Variants in PICALM observed in about 807,000 individuals in gnomAD.
PICALM encodes the protein phosphatidylinositol binding clathrin assembly protein.
Under a neutral mutation model 80.5 loss-of-function variants are expected in PICALM, and 40 were observed. The ratio of observed to expected loss-of-function variants is 0.50; its 90% CI spans 0.39 to 0.65. The LOEUF is 0.65. PICALM is among the 30% of genes least tolerant of loss of function. The pLI is 0.00. For synonymous variants in PICALM, 288 were observed against 260.3 expected (o/e 1.11, Z -1.02); for missense variants, 676 against 778.9 (o/e 0.87, Z 1.57).
chr11:85,973,667 C>A (rs1003312504), intron 19 of PICALM, among the ~76,000 whole-genome samples: 2 of 152,092 alleles, frequency 1.3e-5, no homozygotes, highest in Non-Finnish European at 2.9e-5. Flanking sequence ...GACTACCGTG[C>A]ACAGAGACTA....
intron 12 of PICALM, among the ~76,000 whole-genome samples, chr11:85,990,715 G>A (rs2094743010): frequency 6.6e-6 from 1 of 152,104 alleles, no homozygotes; most frequent in Non-Finnish European, 1.5e-5. Flanking sequence ...AATCTTCCCT[G>A]TCCTAGGTGA....
chr11:86,063,605 T>C (rs2096401247), intron 1 of PICALM, among the ~76,000 whole-genome samples: 1 of 152,200 alleles, frequency 6.6e-6, no homozygotes, highest in South Asian at 2.1e-4. Flanking sequence ...GTGAATTTTA[T>C]TATATACCTC....
chr11:86,018,098 C>G (rs1198266229), intron 4 of PICALM, among the ~76,000 whole-genome samples: 2 of 152,148 alleles, frequency 1.3e-5, no homozygotes. Context: ...AGTCTCTCAT[C>G]TAATTGGTGT....
At chr11:86,006,017 C>T (rs115037650) in intron 8 of PICALM, among the ~76,000 whole-genome samples, 264 of 152,248 alleles carry the variant, frequency 1.7e-3, no homozygotes, top group African/African-American at 5.6e-3. Context: ...TACATGATGA[C>T]GGCCTGTAAC....
chr11:86,028,889 C>T (rs2095699081), intron 2 of PICALM, among the ~76,000 whole-genome samples: 1 of 148,946 alleles, frequency 6.7e-6, no homozygotes. Flanking sequence ...CCCAGGCTGG[C>T]ATGCAAAGGT....
intron 13 of PICALM, among the ~76,000 whole-genome samples, chr11:85,988,718 G>C (rs564042538): frequency 6.6e-6 from 1 of 152,044 alleles, no homozygotes; most frequent in East Asian, 1.9e-4. Context: ...GTTATGAGTG[G>C]GATGGGTAAT....
intron 13 of PICALM, among the ~76,000 whole-genome samples, chr11:85,987,365 C>G (rs1277101750): frequency 6.6e-6 from 1 of 151,912 alleles, no homozygotes; most frequent in African/African-American, 2.4e-5. Flanking sequence ...CAGTTTAATC[C>G]CAAGTATTTC....
intron 1 of PICALM, among the ~76,000 whole-genome samples, chr11:86,040,395 T>C (rs1024794293): frequency 6.6e-6 from 1 of 152,092 alleles, no homozygotes; most frequent in African/African-American, 2.4e-5. Context: ...AGACGAGGTC[T>C]CCCCCTCTGT....
intron 1 of PICALM, among the ~76,000 whole-genome samples, chr11:86,039,020 A>T (rs1239727899): frequency 6.6e-6 from 1 of 151,880 alleles, no homozygotes. Flanking sequence ...CTGAGGCAGG[A>T]GAATAACTTG....
At chr11:85,998,956 G>T (rs12283463) in intron 11 of PICALM, among the ~76,000 whole-genome samples, 1 of 152,082 alleles carries the variant, frequency 6.6e-6, no homozygotes, top group Non-Finnish European at 1.5e-5. Context: ...CTCCAAAATA[G>T]AATGTTTTTC....
At chr11:85,983,334 T>C (rs1339404202) in intron 14 of PICALM, among the ~76,000 whole-genome samples, 1 of 152,156 alleles carries the variant, frequency 6.6e-6, no homozygotes, top group Non-Finnish European at 1.5e-5. Context: ...ATCTATAAAG[T>C]TCCTTTAAGA....
At chr11:86,028,768 G>A (rs1251656751) in intron 2 of PICALM, among the ~76,000 whole-genome samples, 2 of 151,842 alleles carry the variant, frequency 1.3e-5, no homozygotes, top group Non-Finnish European at 2.9e-5. Flanking sequence ...CTCAACCTGA[G>A]TACTCTGACA....
chr11:86,001,387 G>A (rs189442189), intron 9 of PICALM, among the ~76,000 whole-genome samples: 14 of 152,294 alleles, frequency 9.2e-5, no homozygotes, highest in Non-Finnish European at 1.6e-4. Flanking sequence ...CAGAGTAAGT[G>A]TTTGACTTTG....
chr11:86,027,571 T>TGTAC (rs201039119), intron 2 of PICALM, among the ~76,000 whole-genome samples: 3,037 of 151,554 alleles, frequency 0.02, 112 homozygotes, highest in African/African-American at 0.07. Flanking sequence ...GATCACAGCT[T>TGTAC]TCCACCCTCC....
intron 13 of PICALM, 69 bp from the exon 14 acceptor site, chr11:85,984,042 A>T (rs1376674790): frequency 1.4e-6 from 1 of 702,464 alleles, no homozygotes; most frequent in Non-Finnish European, 2.5e-6. Context: ...TTTAATAATG[A>T]TGACAATAGA....
At position 85,957,956 on chromosome 11, in the gene PICALM, C is replaced by T. The variant is rs2093575049; in HGVS notation, c.*1090G>A. ...CATTAACTTTAAAGATACTATTTCC[C>T]CTTATTTAAAAGGTATATGATCATA... On this transcript the variant is annotated 3_prime_UTR_variant, in exon 20 of 20. Transcript: ENST00000393346. 1.3e-5 allele frequency: 3 copies of T among 223,874 alleles called. No individual in the cohort carries two copies. The highest frequency in any genetic ancestry group is 6.7e-5 in the African/African-American group (3 of 44,762). The allele number at this position is 223,874 out of a possible 1,614,324, so 13.9% of individuals were successfully genotyped here.
intron 12 of PICALM, among the ~76,000 whole-genome samples, chr11:85,992,558 A>G (rs1198107470): frequency 6.6e-6 from 1 of 152,234 alleles, no homozygotes; most frequent in Admixed American, 6.5e-5. Context: ...AAGTGCTGGC[A>G]TTACAGGCAT....
chr11:86,058,105 C>T (rs2096298513), intron 1 of PICALM, among the ~76,000 whole-genome samples: 1 of 152,126 alleles, frequency 6.6e-6, no homozygotes, highest in South Asian at 2.1e-4. Flanking sequence ...ATACCACCCG[C>T]TATTTATTTT....
chr11:86,022,518 T>C (rs1278222223), intron 3 of PICALM, 49 bp from the exon 4 acceptor site: 1 of 977,340 alleles, frequency 1.0e-6, no homozygotes, highest in Non-Finnish European at 1.5e-6. Flanking sequence ...GACAAGTTTT[T>C]ATAAATGACT....
Sources: allele counts gnomAD v4.1 joint callset (sites outside exome capture counted in the v4.1 genomes callset), GRCh38; gene constraint gnomAD v4.1.1; transcripts MANE v1.5; gene names NCBI Gene and HGNC (gene_info 2026-07-23, HGNC 2026-07-21).